MYT1L: variants seen among roughly 807,000 people sequenced by gnomAD.
MYT1L encodes myelin transcription factor 1 like, also known as myelin transcription factor 1-like protein.
Under a neutral mutation model 126.7 loss-of-function variants are expected in MYT1L, and 12 were observed. That is an observed-to-expected ratio of 0.09 (90% CI 0.06 to 0.15). The LOEUF is 0.15. Ranked by LOEUF, MYT1L falls within the 10% of genes least tolerant of loss-of-function variation. MYT1L has a pLI of 1.00. For missense variants in MYT1L, 979 were observed against 1,585.2 expected (o/e 0.62, Z 6.49); for synonymous variants, 541 against 604.2 (o/e 0.90, Z 1.53).
chr2:2,030,813 G>GCAGC (rs1291011796), intron 4 of MYT1L, among the ~76,000 whole-genome samples: 1 of 152,178 alleles, frequency 6.6e-6, no homozygotes, highest in Non-Finnish European at 1.5e-5. Flanking sequence ...TTTTAGTTGT[G>GCAGC]CAGCCAGTGG....
intron 18 of MYT1L, among the ~76,000 whole-genome samples, chr2:1,867,802 C>T (rs2045788299): frequency 6.6e-6 from 1 of 152,154 alleles, no homozygotes; most frequent in African/African-American, 2.4e-5. Flanking sequence ...CACACATTAC[C>T]TTCATTACAT....
chr2:2,027,601 A>G (rs1342093084), intron 4 of MYT1L, among the ~76,000 whole-genome samples: 1 of 152,252 alleles, frequency 6.6e-6, no homozygotes, highest in Non-Finnish European at 1.5e-5. Context: ...AATGCAAATT[A>G]AGAAATGACA....
chr2:1,950,886 G>T (rs1286199968), intron 8 of MYT1L, among the ~76,000 whole-genome samples: 1 of 152,184 alleles, frequency 6.6e-6, no homozygotes, highest in Non-Finnish European at 1.5e-5. Context: ...AGAGCTAGAT[G>T]GTGGAAGGTC....
At chr2:1,792,894 AG>A (rs1387624200) in intron 23 of MYT1L, among the ~76,000 whole-genome samples, 6 of 151,412 alleles carry the variant, frequency 4.0e-5, no homozygotes, top group Admixed American at 1.3e-4. Context: ...AAAAAGGAAA[AG>A]AAAAAGGCTT....
At chr2:2,211,188 T>C (rs1365933572) in intron 2 of MYT1L, among the ~76,000 whole-genome samples, 1 of 152,230 alleles carries the variant, frequency 6.6e-6, no homozygotes, top group Admixed American at 6.5e-5. Flanking sequence ...TGCTTATGCA[T>C]GTTTGATTAG....
intron 3 of MYT1L, among the ~76,000 whole-genome samples, chr2:2,123,985 C>G (rs2081369497): frequency 6.6e-6 from 1 of 152,200 alleles, no homozygotes. Flanking sequence ...CCCTGCAGAC[C>G]CACTTCAGAT....
chr2:2,317,496 G>C (rs1296038992), intron 1 of MYT1L, among the ~76,000 whole-genome samples: 8 of 152,004 alleles, frequency 5.3e-5, no homozygotes, highest in African/African-American at 1.9e-4. Flanking sequence ...TCTCTAGAGA[G>C]CTACCTAGGA....
At chr2:2,107,781 G>T (rs770716541) in intron 3 of MYT1L, among the ~76,000 whole-genome samples, 1 of 152,128 alleles carries the variant, frequency 6.6e-6, no homozygotes, top group East Asian at 1.9e-4. Context: ...GTTGAGCCGC[G>T]AATGAGAGAG....
In MYT1L at chr2:1,871,161, T is replaced by C. The variant is rs547242582; in HGVS notation, c.2711+15378A>G. Among the ~76,000 whole-genome samples the C allele has an allele frequency of 3.9e-5, 6 of 152,334 alleles. No homozygotes were observed. In the East Asian group the frequency reaches 1.2e-3, roughly 29 times the overall value. ...TTCCAGAGTCTGCTAACACAGAAAG[T>C]CATGATTCTGATGGATTGAAAATCA... On this transcript the variant is annotated intron_variant, in intron 18 of 24. Coordinates refer to ENST00000647738, the MANE Select transcript of MYT1L (RefSeq NM_001303052.2).
chr2:2,244,110 G>A (rs539052942), intron 2 of MYT1L, among the ~76,000 whole-genome samples: 2 of 152,138 alleles, frequency 1.3e-5, no homozygotes, highest in East Asian at 3.9e-4. Context: ...ACTCCCATAG[G>A]AAAATACTCA....
intron 2 of MYT1L, among the ~76,000 whole-genome samples, chr2:2,195,945 C>G (rs1183881627): frequency 6.6e-6 from 1 of 151,862 alleles, no homozygotes; most frequent in African/African-American, 2.4e-5. Flanking sequence ...AAACAGGAGT[C>G]CCATAAGGAG....
At chr2:1,880,414 T>C (rs144062636) in intron 18 of MYT1L, among the ~76,000 whole-genome samples, 3,698 of 152,292 alleles carry the variant, frequency 0.024, 75 homozygotes, top group African/African-American at 0.05. Context: ...CTCGGCTCAC[T>C]GCGACCTCTG....
intron 21 of MYT1L, chr2:1,826,808 A>G (rs2039416284): frequency 8.2e-6 from 1 of 121,736 alleles, no homozygotes; most frequent in Non-Finnish European, 1.6e-5. Flanking sequence ...TGGTTCAGTA[A>G]GGCCAGTTTT....
chr2:2,191,981 C>T (rs979299980), intron 2 of MYT1L, among the ~76,000 whole-genome samples: 16 of 152,218 alleles, frequency 1.1e-4, no homozygotes, highest in East Asian at 1.9e-4. Context: ...AGACTGCAGA[C>T]GGCATCCTTG....
At chr2:2,159,037 C>G (rs2087296974) in intron 3 of MYT1L, among the ~76,000 whole-genome samples, 1 of 152,204 alleles carries the variant, frequency 6.6e-6, no homozygotes, top group African/African-American at 2.4e-5. Context: ...CTAAAACACT[C>G]AGTGCATCAT....
intron 2 of MYT1L, among the ~76,000 whole-genome samples, chr2:2,217,688 C>CAAAAAAAAAAAAAAAAAAAAAAAAAAAA (rs1192733884): frequency 2.8e-5 from 2 of 70,880 alleles, no homozygotes; most frequent in African/African-American, 1.6e-4. Context: ...ACAACAACAA[C>CAAAAAAAAAAAAAAAAAAAAAAAAAAAA]AACAACAACA....
chr2:2,319,814 C>CT (rs1331258053), intron 1 of MYT1L, among the ~76,000 whole-genome samples: 1 of 151,692 alleles, frequency 6.6e-6, no homozygotes, highest in East Asian at 1.9e-4. Context: ...CATTACCTGA[C>CT]TTTTTGTGGG....
In MYT1L at chr2:1,954,462, C is replaced by T. The variant is rs114586076; in HGVS notation, c.153-11128G>A. On this transcript the variant is annotated intron_variant, in intron 8 of 24. Transcript: ENST00000647738. ...CTTTGTGACCATGCATACGTCCACA[C>T]CAGTGCTCTACATCAGGAAGGTGCT... Among the ~76,000 whole-genome samples the T allele has an allele frequency of 5.4e-3, 826 of 152,330 alleles. 3 individuals carry two copies. Among genetic ancestry groups the T allele is most frequent in the African/African-American group, 0.019 (785 of 41,578 alleles).
At chr2:2,066,117 T>C (rs2071241497) in intron 3 of MYT1L, among the ~76,000 whole-genome samples, 1 of 152,158 alleles carries the variant, frequency 6.6e-6, no homozygotes, top group Admixed American at 6.5e-5. Flanking sequence ...AAAAGTGATC[T>C]ATAATCTTTA....
Sources: allele counts gnomAD v4.1 joint callset (sites outside exome capture counted in the v4.1 genomes callset), GRCh38; gene constraint gnomAD v4.1.1; transcripts MANE v1.5; gene names NCBI Gene and HGNC (gene_info 2026-07-23, HGNC 2026-07-21).